Variants in CHIC1 observed in about 807,000 individuals in gnomAD.
CHIC1 encodes the protein cysteine rich hydrophobic domain 1, also known as cysteine-rich hydrophobic domain-containing protein 1.
A neutral mutation model predicts 18.5 loss-of-function variants in CHIC1; 7 were observed. The observed-to-expected ratio is 0.38, with a 90% CI of 0.22 to 0.71. The LOEUF (loss-of-function observed/expected upper bound fraction) is 0.71. Among genes scored for constraint, CHIC1 ranks in the 30% least tolerant of loss-of-function variants. CHIC1 has a pLI of 0.49. For missense variants in CHIC1, 159 were observed against 176.9 expected, an observed-to-expected ratio of 0.90 and a Z score of 0.57; for synonymous variants, 77 against 73.5, an observed-to-expected ratio of 1.05 and a Z score of -0.25.
intron 3 of CHIC1, among the ~76,000 whole-genome samples, chrX:73,620,563 T>C (rs1194088375): frequency 8.9e-6 from 1 of 112,072 alleles, no homozygotes; most frequent in Non-Finnish European, 1.9e-5. Flanking sequence ...TTTTATCTTG[T>C]AAATTTGTTT....
chrX:73,639,123 C>T (rs1407361844), intron 3 of CHIC1, among the ~76,000 whole-genome samples: 3 of 111,842 alleles, frequency 2.7e-5, no homozygotes, highest in Non-Finnish European at 5.7e-5. Context: ...CAGTGGTTTT[C>T]ACATTTTCTA....
At chrX:73,581,062 AG>A (rs1383393169) in intron 2 of CHIC1, among the ~76,000 whole-genome samples, 2 of 111,198 alleles carry the variant, frequency 1.8e-5, no homozygotes, top group Admixed American at 1.9e-4. Context: ...AAGAAAGTAA[AG>A]CTTTTGGCCC....
intron 3 of CHIC1, among the ~76,000 whole-genome samples, chrX:73,642,184 T>C (rs2057860548): frequency 9.0e-6 from 1 of 111,253 alleles, no homozygotes; most frequent in Admixed American, 9.5e-5. Flanking sequence ...GCACCTGTTG[T>C]TTCCTGACTT....
chrX:73,599,108 T>C (rs1175017962), intron 3 of CHIC1, among the ~76,000 whole-genome samples: 4 of 109,094 alleles, frequency 3.7e-5, no homozygotes, highest in South Asian at 8.0e-4. Context: ...TTTCATGTGT[T>C]TTTTGGCTGC....
chrX:73,677,119 C>T (rs891645787), intron 3 of CHIC1, among the ~76,000 whole-genome samples: 2 of 111,417 alleles, frequency 1.8e-5, no homozygotes, highest in Non-Finnish European at 3.8e-5. Flanking sequence ...GTACCCGGCC[C>T]TGTGAGGTGT....
intron 1 of CHIC1, among the ~76,000 whole-genome samples, chrX:73,569,459 T>C (rs1333503139): frequency 1.8e-5 from 2 of 111,386 alleles, no homozygotes; most frequent in African/African-American, 6.5e-5. Flanking sequence ...AACTACCAGC[T>C]GGGTCGGCTT....
chrX:73,687,038 A>C lies in CHIC1; in HGVS notation c.*6033A>C, dbSNP rs1338207789. ...TTCACTGCTGCTTCTGTCATTGTTC[A>C]CTTGTCAGATAAAATTTTATTATCT... On this transcript the variant is annotated 3_prime_UTR_variant, in exon 6 of 6. Transcript: ENST00000373502. 9.0e-6 allele frequency: 1 copy of C among 111,661 alleles called. No homozygotes were observed. The highest frequency in any genetic ancestry group is 1.9e-5 in the Non-Finnish European group (1 of 53,003). 9.2% of individuals were successfully genotyped at this position (111,661 alleles called of 1,213,427 possible). A position where few individuals can be genotyped will look rare whatever the true frequency, so the allele number is the denominator to read the frequency against.
chrX:73,582,054 C>T (rs2057530379), intron 2 of CHIC1, among the ~76,000 whole-genome samples: 1 of 109,784 alleles, frequency 9.1e-6, no homozygotes, highest in African/African-American at 3.3e-5. Context: ...TCTAAGGCTC[C>T]TTATAAACAA....
chrX:73,632,139 A>G (rs1303696978), intron 3 of CHIC1, among the ~76,000 whole-genome samples: 5 of 112,378 alleles, frequency 4.4e-5, no homozygotes, highest in African/African-American at 1.6e-4. Flanking sequence ...TTATAAATGT[A>G]TATTTATGTG....
intron 3 of CHIC1, among the ~76,000 whole-genome samples, chrX:73,669,674 CGTTGCTG>C (rs962288948): frequency 8.9e-5 from 10 of 112,041 alleles, no homozygotes; most frequent in Non-Finnish European, 1.9e-4. Flanking sequence ...CACTGTGCTG[CGTTGCTG>C]GGGAGCCCCT....
intron 3 of CHIC1, among the ~76,000 whole-genome samples, chrX:73,658,529 C>T (rs1410677957): frequency 9.3e-6 from 1 of 108,056 alleles, no homozygotes; most frequent in Non-Finnish European, 1.9e-5. Flanking sequence ...AATCTTCTCT[C>T]TTTTTTTCTT....
chrX:73,639,677 G>T (rs2057846277), intron 3 of CHIC1, among the ~76,000 whole-genome samples: 1 of 111,581 alleles, frequency 9.0e-6, no homozygotes, highest in African/African-American at 3.3e-5. Context: ...AATTCATTGA[G>T]TTAATTTTTT....
chrX:73,573,889 ACTT>A (rs994811018), intron 1 of CHIC1, among the ~76,000 whole-genome samples: 1 of 110,021 alleles, frequency 9.1e-6, no homozygotes, highest in Non-Finnish European at 1.9e-5. Context: ...AGATAGTTTG[ACTT>A]CTTCTTTTCC....
chrX:73,603,073 G>T (rs1456721080), intron 3 of CHIC1, among the ~76,000 whole-genome samples: 1 of 108,390 alleles, frequency 9.2e-6, no homozygotes, highest in East Asian at 2.8e-4. Flanking sequence ...GCTTGATAGG[G>T]ATATCATTGA....
At chrX:73,607,951 T>C (rs1172472047) in intron 3 of CHIC1, among the ~76,000 whole-genome samples, 1 of 109,262 alleles carries the variant, frequency 9.2e-6, no homozygotes, top group Non-Finnish European at 1.9e-5. Context: ...TGCCAGCTAC[T>C]CCTTAAGACA....
At chrX:73,664,060 C>T (rs1229503374) in intron 3 of CHIC1, among the ~76,000 whole-genome samples, 4 of 111,223 alleles carry the variant, frequency 3.6e-5, no homozygotes, top group Non-Finnish European at 7.5e-5. Flanking sequence ...CAGTCCTGTG[C>T]TCCCAGTGGT....
chrX:73,596,007 C>T (rs2057606349), intron 3 of CHIC1, among the ~76,000 whole-genome samples: 1 of 111,583 alleles, frequency 9.0e-6, no homozygotes, highest in Admixed American at 9.6e-5. Flanking sequence ...TCTTTGCCCA[C>T]TTTTTGATGG....
At chrX:73,636,624 T>C (rs1003918258) in intron 3 of CHIC1, among the ~76,000 whole-genome samples, 28 of 111,836 alleles carry the variant, frequency 2.5e-4, no homozygotes, top group African/African-American at 9.1e-4. Flanking sequence ...TTCTGTTTAG[T>C]TCTTTTTTTT....
At chrX:73,589,457 A>G (rs1420793356) in intron 3 of CHIC1, among the ~76,000 whole-genome samples, 1 of 110,999 alleles carries the variant, frequency 9.0e-6, no homozygotes, top group Non-Finnish European at 1.9e-5. Flanking sequence ...TTAAACTTAT[A>G]ACACACTAGT....
Sources: allele counts gnomAD v4.1 joint callset (sites outside exome capture counted in the v4.1 genomes callset), GRCh38; gene constraint gnomAD v4.1.1; transcripts MANE v1.5; gene names NCBI Gene and HGNC (gene_info 2026-07-23, HGNC 2026-07-21).